The following CD72 variants were observed in gnomAD, a reference collection of about 807,000 sequenced individuals.
The protein encoded by CD72 is B-cell differentiation antigen CD72.
In CD72, 28 loss-of-function variants were observed where a neutral mutation model predicts 50.7. The ratio of observed to expected loss-of-function variants is 0.55; its 90% CI spans 0.41 to 0.76. The LOEUF is 0.76. Among genes scored for constraint, CD72 ranks in the 30% least tolerant of loss-of-function variants. The pLI is 0.00. For synonymous variants in CD72, 176 were observed against 171.2 expected (o/e 1.03, Z -0.22); for missense variants, 403 against 420.6 (o/e 0.96, Z 0.37).
intron 6 of CD72, among the ~76,000 whole-genome samples, chr9:35,612,210 C>A (rs934855015): frequency 6.6e-6 from 1 of 152,182 alleles, no homozygotes; most frequent in African/African-American, 2.4e-5. Flanking sequence ...GGTGTGGGAC[C>A]TCTCTGCCTG....
At chr9:35,635,557 C>T (rs1289144725) in intron 1 of CD72, among the ~76,000 whole-genome samples, 1 of 152,206 alleles carries the variant, frequency 6.6e-6, no homozygotes, top group African/African-American at 2.4e-5. Flanking sequence ...ACACATATCT[C>T]TTCCAGGCTC....
intron 1 of CD72, among the ~76,000 whole-genome samples, chr9:35,644,805 G>C (rs1291678125): frequency 6.6e-6 from 1 of 151,416 alleles, no homozygotes; most frequent in Non-Finnish European, 1.5e-5. Flanking sequence ...CAGAGGTTCA[G>C]CATCTTCAGC....
At chr9:35,644,350 C>CAAAAAA (rs74176726) in intron 1 of CD72, among the ~76,000 whole-genome samples, 11 of 68,192 alleles carry the variant, frequency 1.6e-4, no homozygotes, top group African/African-American at 2.9e-4. Context: ...AACTCTGTCT[C>CAAAAAA]AAAAAAAAAA....
rs1436854102 is a variant in CD72 at position 35,627,867 on chromosome 9, AC to A, written n.409-9747del. Among the ~76,000 whole-genome samples the A allele has an allele frequency of 2.6e-5, 4 of 151,196 alleles. No individual in the cohort carries two copies. In the East Asian group the frequency reaches 5.8e-4, roughly 22 times the overall value. ...CTTTTTTAATCAGAGTCAGCGTCTC[AC>A]TCTGTCACCCAGGCTGGAGTACAGT... On this transcript the variant is annotated intron_variant and non_coding_transcript_variant, in intron 1 of 3. Coordinates refer to the CD72 transcript ENST00000465754.
chr9:35,630,548 T>G (rs781621121), intron 1 of CD72, among the ~76,000 whole-genome samples: 2 of 152,228 alleles, frequency 1.3e-5, no homozygotes, highest in Non-Finnish European at 2.9e-5. Context: ...TTATAGTGTT[T>G]AATAATATTT....
chr9:35,621,888 C>A (rs1823149549), upstream of CD72, among the ~76,000 whole-genome samples: 2 of 152,196 alleles, frequency 1.3e-5, no homozygotes, highest in South Asian at 2.1e-4. Context: ...CAGAAAGGAA[C>A]CAGCCCTGCA....
chr9:35,640,556 G>A (rs895579601), intron 1 of CD72, among the ~76,000 whole-genome samples: 1 of 152,244 alleles, frequency 6.6e-6, no homozygotes, highest in African/African-American at 2.4e-5. Flanking sequence ...AAGAACAATG[G>A]GAAGCCTTTA....
Position 35,611,810 on chromosome 9 carries a change from C to T in CD72, c.944G>A (p.Arg315His), listed in dbSNP as rs770122832. The T allele has an allele frequency of 1.8e-5, 28 of 1,566,056 alleles. No individual in the cohort carries two copies. The highest frequency in any genetic ancestry group is 4.1e-5 in the African/African-American group (3 of 73,890). Reference protein sequence around the residue: ...KDWKLTDDTQRTRTYAQSSKC... With the variant: ...KDWKLTDDTQHTRTYAQSSKC... The stretch of plus-strand genomic sequence containing the variant: ...GAAGTCCTAACAAACTTACCTAGTG[C>T]GTTGTGTATCATCAGTCAACTTCCA... The change falls in exon 7 of 9, where the codon CGC becomes CAC. Residue 315 changes from arginine to histidine, a missense_variant. Physicochemically the swap from Arg to His is conservative, Grantham distance 29. Coordinates refer to ENST00000259633, the MANE Select transcript of CD72 (RefSeq NM_001782.3).
intron 1 of CD72, among the ~76,000 whole-genome samples, chr9:35,634,879 A>G (rs998394992): frequency 6.6e-6 from 1 of 152,218 alleles, no homozygotes; most frequent in Non-Finnish European, 1.5e-5. Flanking sequence ...TCATAAACAG[A>G]CATGGTTCGT....
rs372714300 is a variant in CD72, at chr9:35,645,819, G to C, written n.408+584C>G. Reference sequence around the variant, plus strand: ...ACAGAGCAGGGCCAAAGATGGAGGTGCCCTGGCCGGATGGCTTCCAAAGAC... The same window carrying C: ...ACAGAGCAGGGCCAAAGATGGAGGTCCCCTGGCCGGATGGCTTCCAAAGAC... On this transcript the variant is annotated intron_variant and non_coding_transcript_variant, in intron 1 of 3. Transcript: ENST00000465754. 6.3e-4 allele frequency among the ~76,000 whole-genome samples: 96 copies of C among 152,084 alleles called. 1 individual carries two copies. In the South Asian group the frequency reaches 0.017, roughly 26 times the overall value.
Position 35,610,194 on chromosome 9 carries a change from G to A in CD72, c.*129C>T. ...AGCAGACTGGCTGGAAGTGTCAGGT[G>A]TGGGTCAGCCGGTGGCTGGGCACTG... On this transcript the variant is annotated 3_prime_UTR_variant, in exon 9 of 9. Transcript: ENST00000259633. 1 of 198,764 alleles carries A rather than the reference G, an allele frequency of 5.0e-6. No homozygotes were observed. Among genetic ancestry groups the A allele is most frequent in the East Asian group, 1.4e-4 (1 of 7,192 alleles). The allele number at this position is 198,764 out of a possible 1,614,324, so 12.3% of individuals were successfully genotyped here.
intron 1 of CD72, among the ~76,000 whole-genome samples, chr9:35,628,525 T>C (rs544010854): frequency 6.5e-4 from 99 of 152,294 alleles, no homozygotes; most frequent in Non-Finnish European, 1.4e-3. Flanking sequence ...TGGATCTGAG[T>C]GATGCTCGCT....
intron 1 of CD72, among the ~76,000 whole-genome samples, chr9:35,640,871 C>T (rs1453737068): frequency 6.6e-6 from 1 of 152,248 alleles, no homozygotes; most frequent in East Asian, 1.9e-4. Context: ...CTTGTCCCTC[C>T]TGCTGTGCTC....
chr9:35,639,841 G>C (rs559508434), intron 1 of CD72, among the ~76,000 whole-genome samples: 2 of 152,108 alleles, frequency 1.3e-5, no homozygotes, highest in African/African-American at 4.8e-5. Context: ...AAACCAACCA[G>C]TTGTTACTTT....
chr9:35,618,684 C>A, upstream of CD72: 2 of 916,052 alleles, frequency 2.2e-6, no homozygotes, highest in Non-Finnish European at 3.0e-6. Flanking sequence ...CTGCCCCACC[C>A]TCCTCCTGGC....
rs775278745 is a variant in CD72 at position 35,616,076 on chromosome 9, T to A, written c.555A>T (p.Leu185=). Reference sequence around the variant, plus strand: ...TCTGTCTGTCTGCCTGGCAGGCCTGTAGCTGCCCTTCGGCCGCCTGATGAG... The same window carrying A: ...TCTGTCTGTCTGCCTGGCAGGCCTGAAGCTGCCCTTCGGCCGCCTGATGAG... The part of the protein sequence containing the change: ...QRAHQAAEGQ[L]QACQADRQKT... The change falls in exon 5 of 9, where the codon CTA becomes CTT. Residue 185 remains leucine (L), a synonymous_variant. Coordinates refer to ENST00000259633, the MANE Select transcript of CD72 (RefSeq NM_001782.3). The A allele has an allele frequency of 1.2e-6, 2 of 1,614,182 alleles. No individual in the cohort carries two copies. Among genetic ancestry groups the A allele is most frequent in the Admixed American group, 1.7e-5 (1 of 60,028 alleles).
intron 8 of CD72, 118 bp downstream of exon 8, chr9:35,610,484 G>T (rs1043199866): frequency 1.4e-5 from 8 of 568,870 alleles, no homozygotes; most frequent in South Asian, 1.1e-4. Context: ...GGCTGTGGAG[G>T]AACTTTCATC....
At chr9:35,618,689 C>T (rs1563896536), upstream of CD72, 1 of 974,406 alleles carries the variant, frequency 1.0e-6, no homozygotes, top group Non-Finnish European at 1.4e-6. Context: ...CCACCCTCCT[C>T]CTGGCTGCCT....
Position 35,634,910 on chromosome 9 carries a change from C to G in CD72, n.408+11493G>C, listed in dbSNP as rs540251398. 4.6e-5 allele frequency among the ~76,000 whole-genome samples: 7 copies of G among 152,260 alleles called. 1 individual carries two copies. The South Asian group carries it at 1.4e-3, about 32-fold the overall frequency. ...TTCGTTGCTCCCCACTGGTTTCTTG[C>G]TTCTTCTCTTCCCCTGTCTTGAAGT... On this transcript the variant is annotated intron_variant and non_coding_transcript_variant, in intron 1 of 3. Transcript: ENST00000465754.
Sources: gnomAD v4.1 joint callset for allele counts (sites outside exome capture counted in the v4.1 genomes callset) on GRCh38, gnomAD v4.1.1 for gene constraint, MANE v1.5 for transcripts, NCBI Gene and HGNC (gene_info 2026-07-23, HGNC 2026-07-21) for gene names.